The following FSTL5 variants were observed in gnomAD, a reference collection of about 807,000 sequenced individuals.
The protein encoded by FSTL5 is follistatin like 5.
In FSTL5, 62 loss-of-function variants were observed where a neutral mutation model predicts 89.1. That is an observed-to-expected ratio of 0.70 (90% CI 0.57 to 0.86). The LOEUF (loss-of-function observed/expected upper bound fraction) is 0.86. Ranked by LOEUF, FSTL5 falls within the 40% of genes least tolerant of loss-of-function variation. The pLI, the probability that FSTL5 is intolerant of heterozygous loss-of-function variation, is 0.00. For missense variants in FSTL5, 1,057 were observed against 1,001.6 expected (o/e 1.06, Z -0.75); for synonymous variants, 383 against 346.2 (o/e 1.11, Z -1.18).
At chr4:161,645,365 T>C (rs756299155) in intron 7 of FSTL5, among the ~76,000 whole-genome samples, 20 of 151,158 alleles carry the variant, frequency 1.3e-4, no homozygotes, top group Non-Finnish European at 2.2e-4. Flanking sequence ...ACAAACTCCT[T>C]TGTAAATATT....
chr4:161,531,461 C>G (rs1234976524), intron 10 of FSTL5, among the ~76,000 whole-genome samples: 1 of 152,134 alleles, frequency 6.6e-6, no homozygotes, highest in Non-Finnish European at 1.5e-5. Context: ...AATCTTTCCC[C>G]ATTTTTATTG....
chr4:161,961,076 GAA>G (rs2110979781), intron 3 of FSTL5, among the ~76,000 whole-genome samples: 1 of 151,926 alleles, frequency 6.6e-6, no homozygotes, highest in East Asian at 1.9e-4. Flanking sequence ...ATTCTCAAAA[GAA>G]GAGCAAATTT....
At chr4:161,408,622 G>A (rs1446992426) in intron 15 of FSTL5, among the ~76,000 whole-genome samples, 4 of 152,124 alleles carry the variant, frequency 2.6e-5, no homozygotes, top group African/African-American at 9.7e-5. Context: ...CAGATGGCAA[G>A]AAAGCTCATT....
chr4:161,959,830 A>G (rs779572241), intron 3 of FSTL5, among the ~76,000 whole-genome samples: 29 of 152,074 alleles, frequency 1.9e-4, no homozygotes, highest in Admixed American at 5.9e-4. Flanking sequence ...ACAAACAGTA[A>G]TTTACTAAGT....
At chr4:161,704,573 A>T (rs1162063744) in intron 6 of FSTL5, among the ~76,000 whole-genome samples, 1 of 152,136 alleles carries the variant, frequency 6.6e-6, no homozygotes, top group Non-Finnish European at 1.5e-5. Flanking sequence ...CTTCCAAGAA[A>T]GGTCATTCAA....
intron 6 of FSTL5, among the ~76,000 whole-genome samples, chr4:161,690,263 T>C (rs1449531418): frequency 1.3e-5 from 2 of 152,174 alleles, no homozygotes; most frequent in South Asian, 2.1e-4. Context: ...TCCTTGTCTA[T>C]ACCTGTTATG....
At chr4:161,834,114 G>T (rs1730947015) in intron 4 of FSTL5, among the ~76,000 whole-genome samples, 1 of 152,050 alleles carries the variant, frequency 6.6e-6, no homozygotes, top group African/African-American at 2.4e-5. Context: ...ATGATCAAGT[G>T]GGCTTCATCC....
intron 6 of FSTL5, among the ~76,000 whole-genome samples, chr4:161,704,864 G>A (rs977131230): frequency 2.6e-5 from 4 of 151,994 alleles, no homozygotes; most frequent in African/African-American, 4.8e-5. Flanking sequence ...AGCCACTAGA[G>A]GTGCAGTCCT....
chr4:161,876,687 C>G (rs1173413068), intron 4 of FSTL5, among the ~76,000 whole-genome samples: 1 of 152,014 alleles, frequency 6.6e-6, no homozygotes, highest in African/African-American at 2.4e-5. Flanking sequence ...CTGCAGTAAG[C>G]TATGATCACA....
intron 5 of FSTL5, among the ~76,000 whole-genome samples, chr4:161,767,836 G>T (rs1405427117): frequency 1.3e-5 from 2 of 151,942 alleles, no homozygotes; most frequent in Admixed American, 1.3e-4. Context: ...CAGAATTAAA[G>T]AATCAAATTA....
intron 7 of FSTL5, among the ~76,000 whole-genome samples, chr4:161,641,317 T>C (rs1735949843): frequency 6.6e-6 from 1 of 152,178 alleles, no homozygotes; most frequent in Non-Finnish European, 1.5e-5. Context: ...CACATTTCGT[T>C]TTCCATATAA....
At chr4:161,782,172 G>A (rs967425563) in intron 4 of FSTL5, among the ~76,000 whole-genome samples, 5 of 152,074 alleles carry the variant, frequency 3.3e-5, no homozygotes, top group Admixed American at 3.3e-4. Flanking sequence ...TCTGAGTTTT[G>A]GCAATTGTGG....
At chr4:161,496,768 T>C (rs1265286824) in intron 12 of FSTL5, among the ~76,000 whole-genome samples, 1 of 108,338 alleles carries the variant, frequency 9.2e-6, no homozygotes, top group East Asian at 2.4e-4. Flanking sequence ...ACTCTCTATA[T>C]AGGAGATAGA....
intron 1 of FSTL5, among the ~76,000 whole-genome samples, chr4:162,143,799 C>A (rs1194904874): frequency 2.9e-5 from 4 of 137,460 alleles, no homozygotes; most frequent in Non-Finnish European, 6.5e-5. Flanking sequence ...CACACACACA[C>A]ACACACACAC....
chr4:161,740,193 T>C (rs531924700), intron 6 of FSTL5, among the ~76,000 whole-genome samples: 7 of 152,068 alleles, frequency 4.6e-5, no homozygotes, highest in Middle Eastern at 3.4e-3. Flanking sequence ...CTAATTTTTA[T>C]ATTATTAGTA....
chr4:161,554,224 T>C (rs1732309984), intron 8 of FSTL5, among the ~76,000 whole-genome samples: 1 of 151,378 alleles, frequency 6.6e-6, no homozygotes, highest in African/African-American at 2.4e-5. Context: ...ATGTGTCTTA[T>C]GATGATAGTA....
At chr4:161,893,487 C>T (rs995005318) in intron 4 of FSTL5, among the ~76,000 whole-genome samples, 2 of 152,024 alleles carry the variant, frequency 1.3e-5, no homozygotes, top group Non-Finnish European at 2.9e-5. Flanking sequence ...TAAACTAAAG[C>T]CATCACATTA....
chr4:161,778,797 G>A (rs2126806826), intron 4 of FSTL5, among the ~76,000 whole-genome samples: 1 of 152,334 alleles, frequency 6.6e-6, no homozygotes, highest in South Asian at 2.1e-4. Flanking sequence ...TGGTATCGGG[G>A]AAAGCAGCAC....
chr4:161,575,501 C>A (rs1461689997), intron 8 of FSTL5, among the ~76,000 whole-genome samples: 1 of 151,902 alleles, frequency 6.6e-6, no homozygotes, highest in Non-Finnish European at 1.5e-5. Context: ...GTTGCCCAGG[C>A]TGGAGTGCAG....
Sources: gnomAD v4.1 joint callset for allele counts (sites outside exome capture counted in the v4.1 genomes callset) on GRCh38, gnomAD v4.1.1 for gene constraint, MANE v1.5 for transcripts, NCBI Gene and HGNC (gene_info 2026-07-23, HGNC 2026-07-21) for gene names.